Variants in SP110 observed in about 807,000 individuals in gnomAD.
SP110 encodes SP110 nuclear body protein.
In SP110, 62 loss-of-function variants were observed where a neutral mutation model predicts 92.7. That is an observed-to-expected ratio of 0.67 (90% CI 0.55 to 0.83). SP110 has a LOEUF of 0.83. SP110 is among the 40% of genes least tolerant of loss of function. The pLI is 0.00. For missense variants in SP110, 793 were observed against 863.9 expected (o/e 0.92, Z 1.03); for synonymous variants, 273 against 305.3 (o/e 0.89, Z 1.10).
rs141211779 is a variant in SP110 at position 230,168,231 on chromosome 2, T to TA, written c.*892dup. On this transcript the variant is annotated 3_prime_UTR_variant, in exon 19 of 19. Transcript: ENST00000258381. Reference sequence around the variant, plus strand: ...ATATGTGGGTTCAAGATAATTAAATTAAAAAATCCCTGGTTACCTTTAGAG... The same window carrying TA: ...ATATGTGGGTTCAAGATAATTAAATTAAAAAAATCCCTGGTTACCTTTAGAG... The TA allele has an allele frequency of 2.0e-5, 3 of 151,238 alleles. No individual in the cohort carries two copies. The highest frequency in any genetic ancestry group is 4.9e-5 in the African/African-American group (2 of 41,078). The allele number at this position is 151,238 out of a possible 1,614,324, so 9.4% of individuals were successfully genotyped here.
intron 17 of SP110, 37 bp from the exon 18 acceptor site, chr2:230,170,798 G>A (rs41309116): frequency 3.1e-5 from 50 of 1,609,244 alleles, no homozygotes; most frequent in Non-Finnish European, 4.3e-5. Context: ...CGTTAGCACA[G>A]CTGTCATCAC....
Position 230,177,623 on chromosome 2 carries a change from A to T in SP110, c.1505T>A (p.Phe502Tyr). Residue 502 changes from phenylalanine to tyrosine, a missense_variant, in exon 14 of 19, where the codon TTT (phenylalanine) becomes TAT (tyrosine). By Grantham distance (22) the Phe-to-Tyr change is conservative. Transcript: ENST00000258381. ...GTTCCTTCCTTTTCCTTCGACTTCAAATTCATTTGGTGTTAACCAAGTTCC... is the reference window on the plus strand; with the variant it reads ...GTTCCTTCCTTTTCCTTCGACTTCATATTCATTTGGTGTTAACCAAGTTCC... The part of the protein sequence containing the change: ...EDGTWLTPNE[F>Y]EVEGKGRNAK... 1 of 1,614,154 alleles carries T rather than the reference A, an allele frequency of 6.2e-7. No individual in the cohort carries two copies. Among genetic ancestry groups the T allele is most frequent in the Non-Finnish European group, 8.5e-7 (1 of 1,179,982 alleles).
intron 5 of SP110, 59 bp downstream of exon 5, chr2:230,212,288 G>T: frequency 2.4e-6 from 3 of 1,255,912 alleles, no homozygotes; most frequent in Non-Finnish European, 3.5e-6. Flanking sequence ...GTTGGCAGAC[G>T]CATGTTCTCC....
intron 10 of SP110, among the ~76,000 whole-genome samples, chr2:230,193,731 T>C (rs1356618944): frequency 1.3e-5 from 2 of 152,184 alleles, no homozygotes; most frequent in African/African-American, 2.4e-5. Flanking sequence ...TCATGTATTT[T>C]TCATCCTTGC....
intron 11 of SP110, among the ~76,000 whole-genome samples, chr2:230,185,636 A>G (rs2042321703): frequency 1.3e-5 from 2 of 152,360 alleles, no homozygotes. Flanking sequence ...ACAATCCTGC[A>G]AATGTGTCCA....
intron 16 of SP110, 55 bp downstream of exon 16, chr2:230,172,011 G>T: frequency 9.2e-7 from 1 of 1,091,284 alleles, no homozygotes; most frequent in Non-Finnish European, 1.4e-6. Flanking sequence ...GTGCCTGTTT[G>T]TGCTTCTCGT....
At chr2:230,189,963 T>C (rs1027082628) in intron 10 of SP110, among the ~76,000 whole-genome samples, 4 of 152,220 alleles carry the variant, frequency 2.6e-5, no homozygotes, top group Non-Finnish European at 4.4e-5. Flanking sequence ...TTATCCAGCA[T>C]TTGGGTTGGT....
chr2:230,221,629 T>C (rs2045828357), upstream of SP110: 2 of 1,373,858 alleles, frequency 1.5e-6, no homozygotes, highest in East Asian at 2.5e-5. Flanking sequence ...TGCAGTAACA[T>C]ACAGCGCTGT....
intron 1 of SP110, 31 bp downstream of exon 1, chr2:230,219,843 G>A (rs200298656): frequency 7.8e-6 from 7 of 899,922 alleles, no homozygotes; most frequent in African/African-American, 1.8e-5. Flanking sequence ...CACCAAGAGC[G>A]AAGAATAAAG....
intron 12 of SP110, among the ~76,000 whole-genome samples, chr2:230,183,231 T>C (rs771283337): frequency 3.4e-4 from 51 of 152,234 alleles, no homozygotes; most frequent in Non-Finnish European, 6.2e-4. Flanking sequence ...ACTGTCAGGC[T>C]GTGCTTGAAT....
At chr2:230,200,739 T>C in intron 10 of SP110, 146 bp downstream of exon 10, 3 of 701,248 alleles carry the variant, frequency 4.3e-6, no homozygotes, top group Non-Finnish European at 2.6e-6. Flanking sequence ...GGGAAGGGTC[T>C]TGATTAAGAA....
intron 10 of SP110, among the ~76,000 whole-genome samples, chr2:230,189,870 A>T (rs552106475): frequency 6.6e-6 from 1 of 152,238 alleles, no homozygotes; most frequent in South Asian, 2.1e-4. Flanking sequence ...AAAGGACATG[A>T]TCTTATTACT....
At chr2:230,199,155 T>A (rs1300289442) in intron 10 of SP110, among the ~76,000 whole-genome samples, 59 of 108,408 alleles carry the variant, frequency 5.4e-4, no homozygotes, top group African/African-American at 2.5e-3. Context: ...ATTATTTTTT[T>A]TTTTTTTTAG....
chr2:230,212,466 G>C lies in SP110; in HGVS notation c.584-36C>G, dbSNP rs190186126. The C allele has an allele frequency of 3.1e-3, 4,538 of 1,473,732 alleles. 67 individuals are homozygous for C. Among genetic ancestry groups the C allele is most frequent in the South Asian group, 0.027 (2,400 of 88,120 alleles). The allele number at this position is 1,473,732 out of a possible 1,614,324, so 91.3% of individuals were successfully genotyped here. A position where few individuals can be genotyped will look rare whatever the true frequency, so the allele number is the denominator to read the frequency against. ...AAAGGAAATTATTACAGATTGCAGG[G>C]ACTGGATGTCAGGGAGAAGAGTGAA... is the stretch of plus-strand genomic sequence containing the variant. On this transcript the variant is annotated intron_variant, in intron 4 of 18. Coordinates refer to ENST00000258381, the MANE Select transcript of SP110 (RefSeq NM_080424.4).
chr2:230,216,176 G>C (rs998508666), intron 2 of SP110, among the ~76,000 whole-genome samples: 7 of 152,198 alleles, frequency 4.6e-5, no homozygotes, highest in African/African-American at 1.7e-4. Context: ...TTGAATGTTG[G>C]ATGGATATAT....
chr2:230,201,326 T>G (rs879370756), intron 9 of SP110, among the ~76,000 whole-genome samples: 2 of 152,182 alleles, frequency 1.3e-5, no homozygotes, highest in Non-Finnish European at 2.9e-5. Context: ...TTTCATAATA[T>G]GATGTTATTT....
upstream of SP110, among the ~76,000 whole-genome samples, chr2:230,222,772 T>G (rs1434874495): frequency 6.6e-6 from 1 of 151,294 alleles, no homozygotes; most frequent in Admixed American, 6.6e-5. Flanking sequence ...AATCCCCTCC[T>G]TAAGGCCAGC....
chr2:230,213,545 G>C (rs767732849), intron 3 of SP110: 3 of 163,176 alleles, frequency 1.8e-5, no homozygotes, highest in Non-Finnish European at 4.1e-5. Flanking sequence ...GTCACACCCA[G>C]CTTTCTCTCC....
intron 14 of SP110, chr2:230,176,506 A>G: frequency 1.9e-6 from 3 of 1,540,572 alleles, no homozygotes; most frequent in Admixed American, 4.2e-5. Flanking sequence ...TTTTAGAGTC[A>G]TTTGCTTCCC....
Sources: allele counts gnomAD v4.1 joint callset (sites outside exome capture counted in the v4.1 genomes callset), GRCh38; gene constraint gnomAD v4.1.1; transcripts MANE v1.5; gene names NCBI Gene and HGNC (gene_info 2026-07-23, HGNC 2026-07-21).